The following GPR39 variants were observed in gnomAD, a reference collection of about 807,000 sequenced individuals.
GPR39 encodes G protein-coupled receptor 39, also known as zinc sensing receptor.
A neutral mutation model predicts 18.4 loss-of-function variants in GPR39; 23 were observed. The observed-to-expected ratio is 1.25, with a 90% CI of 0.90 to 1.77. GPR39 has a LOEUF of 1.77. GPR39 is among the 40% of genes most tolerant of loss of function. The pLI is 0.00. For synonymous variants in GPR39, 280 were observed against 257.9 expected (o/e 1.09, Z -0.82); for missense variants, 647 against 602.4 (o/e 1.07, Z -0.78).
intron 1 of GPR39, among the ~76,000 whole-genome samples, chr2:132,523,140 C>G: frequency 6.6e-6 from 1 of 152,128 alleles, no homozygotes; most frequent in East Asian, 1.9e-4. Flanking sequence ...ATTCCTGTGG[C>G]CAGGAATTTC....
chr2:132,631,483 A>G lies in GPR39; in HGVS notation c.857-13618A>G, dbSNP rs554798444. Among the ~76,000 whole-genome samples, 34 of 152,302 alleles carry G rather than the reference A, an allele frequency of 2.2e-4. 2 individuals are homozygous for G. In the South Asian group the frequency reaches 7.0e-3, roughly 32 times the overall value. On this transcript the variant is annotated intron_variant, in intron 1 of 1. Transcript: ENST00000329321. ...CAAAACCCTATCTTAGAAGCCTGATACCATCTCAACCTTCCTGAGAGCTTT... is the reference window on the plus strand; with the variant it reads ...CAAAACCCTATCTTAGAAGCCTGATGCCATCTCAACCTTCCTGAGAGCTTT...
At chr2:132,553,371 AT>A (rs1315435037) in intron 1 of GPR39, among the ~76,000 whole-genome samples, 7 of 149,986 alleles carry the variant, frequency 4.7e-5, no homozygotes, top group Non-Finnish European at 8.9e-5. Context: ...ATATATGTAT[AT>A]ATGTGTGTAT....
chr2:132,642,144 ATTATTATAGG>A (rs1681867101), intron 1 of GPR39, among the ~76,000 whole-genome samples: 1 of 152,246 alleles, frequency 6.6e-6, no homozygotes, highest in South Asian at 2.1e-4. Context: ...AATATTCTGC[ATTATTATAGG>A]TTATTTCAAA....
chr2:132,585,948 GTTTTTTTT>G (rs397985921), intron 1 of GPR39, among the ~76,000 whole-genome samples: 13 of 62,958 alleles, frequency 2.1e-4, no homozygotes, highest in Middle Eastern at 0.02. Flanking sequence ...AGCATCCCCG[GTTTTTTTT>G]TTTTTTTTTT....
chr2:132,608,117 C>A (rs549944355), intron 1 of GPR39, among the ~76,000 whole-genome samples: 1 of 152,206 alleles, frequency 6.6e-6, no homozygotes, highest in African/African-American at 2.4e-5. Flanking sequence ...AAAAAATACC[C>A]AACTCTTAAA....
At chr2:132,429,283 G>A (rs1339034525) in intron 1 of GPR39, among the ~76,000 whole-genome samples, 1 of 152,200 alleles carries the variant, frequency 6.6e-6, no homozygotes, top group Non-Finnish European at 1.5e-5. Context: ...ACGCTCTGTA[G>A]TCTCTCAAAA....
At chr2:132,501,338 A>G (rs180886884) in intron 1 of GPR39, among the ~76,000 whole-genome samples, 4 of 152,242 alleles carry the variant, frequency 2.6e-5, no homozygotes, top group Admixed American at 6.5e-5. Context: ...TGTTGACCCA[A>G]TGAGCATTCA....
chr2:132,596,240 G>A (rs1279914393), intron 1 of GPR39, among the ~76,000 whole-genome samples: 1 of 152,110 alleles, frequency 6.6e-6, no homozygotes, highest in African/African-American at 2.4e-5. Flanking sequence ...GGTTGCATGT[G>A]TTTGTTCAAT....
intron 1 of GPR39, among the ~76,000 whole-genome samples, chr2:132,615,358 C>T (rs546776366): frequency 5.5e-4 from 84 of 152,322 alleles, no homozygotes; most frequent in African/African-American, 2.0e-3. Context: ...CCTGGAGGCC[C>T]ACCCCCGCTT....
intron 1 of GPR39, among the ~76,000 whole-genome samples, chr2:132,568,370 C>T (rs1311689975): frequency 6.6e-6 from 1 of 151,990 alleles, no homozygotes; most frequent in Non-Finnish European, 1.5e-5. Context: ...TACCAGAGGA[C>T]ATAGATTTCT....
chr2:132,603,715 T>A (rs1681086550), intron 1 of GPR39, among the ~76,000 whole-genome samples: 1 of 152,144 alleles, frequency 6.6e-6, no homozygotes, highest in Non-Finnish European at 1.5e-5. Context: ...TGGGCGTGCG[T>A]GTGCGAAATG....
intron 1 of GPR39, among the ~76,000 whole-genome samples, chr2:132,597,875 A>T (rs993619406): frequency 1.3e-5 from 2 of 152,188 alleles, no homozygotes; most frequent in African/African-American, 2.4e-5. Flanking sequence ...TGCTTGCCCC[A>T]TAGTGGGTCA....
intron 1 of GPR39, among the ~76,000 whole-genome samples, chr2:132,524,800 A>T (rs1334871143): frequency 6.6e-6 from 1 of 152,254 alleles, no homozygotes; most frequent in Non-Finnish European, 1.5e-5. Flanking sequence ...TATTACATGT[A>T]CTCAGAAGTC....
chr2:132,547,690 A>C (rs1679974386), intron 1 of GPR39, among the ~76,000 whole-genome samples: 1 of 152,172 alleles, frequency 6.6e-6, no homozygotes, highest in Non-Finnish European at 1.5e-5. Flanking sequence ...ATTTTGCTAG[A>C]GCTGTAACTG....
At chr2:132,633,358 G>A (rs1020925004) in intron 1 of GPR39, among the ~76,000 whole-genome samples, 1 of 150,130 alleles carries the variant, frequency 6.7e-6, no homozygotes, top group African/African-American at 2.4e-5. Context: ...GTGTGTGTGT[G>A]TGTGTGTGTG....
intron 1 of GPR39, among the ~76,000 whole-genome samples, chr2:132,477,570 A>G (rs1467865218): frequency 2.6e-5 from 4 of 151,808 alleles, no homozygotes; most frequent in Non-Finnish European, 4.4e-5. Context: ...TGTCTAAAAA[A>G]AAAGAGCCAA....
At position 132,552,835 on chromosome 2, in the gene GPR39, T is replaced by C. The variant is rs200910634; in HGVS notation, c.857-92266T>C. 1.1e-3 allele frequency among the ~76,000 whole-genome samples: 37 copies of C among 35,098 alleles called. No homozygotes were observed. In the East Asian group the frequency reaches 0.26, roughly 247 times the overall value. 23.0% of individuals were successfully genotyped at this position (35,098 alleles called of 152,430 possible). A position where few individuals can be genotyped will look rare whatever the true frequency, so the allele number is the denominator to read the frequency against. On this transcript the variant is annotated intron_variant, in intron 1 of 1. Coordinates refer to ENST00000329321, the MANE Select transcript of GPR39 (RefSeq NM_001508.3). ...GTGTGTGTGTATGTATATATATACA[T>C]ATATATATATACACACATATATATA...
At chr2:132,553,388 TA>T (rs1680090189) in intron 1 of GPR39, among the ~76,000 whole-genome samples, 2 of 149,552 alleles carry the variant, frequency 1.3e-5, no homozygotes, top group South Asian at 4.2e-4. Context: ...TGTATATATA[TA>T]GTGTATATAT....
At chr2:132,569,598 CCA>C (rs1022225645) in intron 1 of GPR39, among the ~76,000 whole-genome samples, 3 of 150,904 alleles carry the variant, frequency 2.0e-5, no homozygotes, top group African/African-American at 7.4e-5. Context: ...TCACCTAGAT[CCA>C]GAGTCCTGAC....
Sources: allele counts gnomAD v4.1 joint callset (sites outside exome capture counted in the v4.1 genomes callset), GRCh38; gene constraint gnomAD v4.1.1; transcripts MANE v1.5; gene names NCBI Gene and HGNC (gene_info 2026-07-23, HGNC 2026-07-21).